The following ACYP2 variants were observed in gnomAD, a reference collection of about 807,000 sequenced individuals.
The protein encoded by ACYP2 is acylphosphatase-2.
Under a neutral mutation model 11.2 loss-of-function variants are expected in ACYP2, and 12 were observed. The ratio of observed to expected loss-of-function variants is 1.08; its 90% confidence interval spans 0.69 to 1.74. The LOEUF is 1.74. ACYP2 is among the 40% of genes most tolerant of loss of function. The pLI, the probability that ACYP2 is intolerant of heterozygous loss-of-function variation, is 0.00. For synonymous variants in ACYP2, 43 were observed against 32.2 expected, an observed-to-expected ratio of 1.33 and a Z score of -1.13; for missense variants, 134 against 101.9, an observed-to-expected ratio of 1.31 and a Z score of -1.35.
intron 4 of ACYP2, among the ~76,000 whole-genome samples, chr2:54,121,565 A>G (rs1248317519): frequency 1.3e-5 from 2 of 152,244 alleles, no homozygotes; most frequent in Non-Finnish European, 2.9e-5. Flanking sequence ...TTTGTCAGAT[A>G]ATGCATGATT....
At chr2:54,255,102 G>A in intron 6 of ACYP2, 1 of 1,614,168 alleles carries the variant, frequency 6.2e-7, no homozygotes, top group Non-Finnish European at 8.5e-7. Context: ...ACCAGGTGAA[G>A]AAGCTGCAGA....
At chr2:54,181,245 A>C (rs1358263760) in intron 6 of ACYP2, among the ~76,000 whole-genome samples, 1 of 152,198 alleles carries the variant, frequency 6.6e-6, no homozygotes, top group Non-Finnish European at 1.5e-5. Context: ...AAGTCCTAGA[A>C]GGAAATAAAC....
chr2:54,065,049 A>C (rs1371682910), intron 4 of ACYP2, among the ~76,000 whole-genome samples: 1 of 138,928 alleles, frequency 7.2e-6, no homozygotes, highest in African/African-American at 3.4e-5. Flanking sequence ...ATGCCACTGC[A>C]CTCCAGCCTG....
intron 6 of ACYP2, among the ~76,000 whole-genome samples, chr2:54,281,405 A>G (rs2104116763): frequency 6.6e-6 from 1 of 152,342 alleles, no homozygotes; most frequent in African/African-American, 2.4e-5. Flanking sequence ...TAGGAGATAC[A>G]GATGTCTCTG....
chr2:54,096,285 C>A (rs867883201), intron 4 of ACYP2, among the ~76,000 whole-genome samples: 26 of 84,348 alleles, frequency 3.1e-4, no homozygotes, highest in African/African-American at 8.0e-4. Flanking sequence ...GGTGGCCGGG[C>A]AGAGACGCTC....
intron 4 of ACYP2, among the ~76,000 whole-genome samples, chr2:54,134,177 C>G (rs1321384164): frequency 6.6e-6 from 1 of 152,114 alleles, no homozygotes; most frequent in Non-Finnish European, 1.5e-5. Flanking sequence ...GCCTGGAGTC[C>G]TAGCTACTCA....
At chr2:54,155,541 A>G (rs1038118049) in intron 6 of ACYP2, among the ~76,000 whole-genome samples, 2 of 152,106 alleles carry the variant, frequency 1.3e-5, no homozygotes, top group African/African-American at 4.8e-5. Context: ...AGCAGAGCGA[A>G]CCCTATTGTG....
At chr2:54,209,138 T>TG (rs899107257) in intron 6 of ACYP2, among the ~76,000 whole-genome samples, 9 of 152,044 alleles carry the variant, frequency 5.9e-5, no homozygotes, top group African/African-American at 2.2e-4. Flanking sequence ...AATATGACAT[T>TG]GGGGGGAAGT....
rs200260278 is a variant in ACYP2, at chr2:54,140,528, T to TCACA, written c.404+1798_404+1801dup. Among the ~76,000 whole-genome samples the TCACA allele has an allele frequency of 3.5e-3, 532 of 150,724 alleles. 2 individuals are homozygous for TCACA. The highest frequency in any genetic ancestry group is 0.016 in the South Asian group (78 of 4,754). ...TGTCTCCATGTTCACATTCTCTCTC[T>TCACA]CACACACACACACACACACACTTGC... On this transcript the variant is annotated intron_variant, in intron 6 of 6. Transcript: ENST00000607452.
At chr2:54,091,362 C>T (rs1455533786) in intron 4 of ACYP2, among the ~76,000 whole-genome samples, 1 of 152,050 alleles carries the variant, frequency 6.6e-6, no homozygotes, top group Non-Finnish European at 1.5e-5. Context: ...AAAAATGTTG[C>T]AGCATAAGCA....
intron 4 of ACYP2, among the ~76,000 whole-genome samples, chr2:54,096,197 G>C (rs1475512583): frequency 1.4e-5 from 2 of 145,904 alleles, no homozygotes; most frequent in East Asian, 2.0e-4. Context: ...CTTCTCAGAC[G>C]GGGCGGCCGG....
At chr2:54,098,462 C>T (rs1017265424) in intron 4 of ACYP2, among the ~76,000 whole-genome samples, 7 of 152,036 alleles carry the variant, frequency 4.6e-5, no homozygotes, top group African/African-American at 1.7e-4. Context: ...GGCAGTTGTC[C>T]CATGGAATGT....
chr2:54,016,171 T>C (rs976873974), intron 2 of ACYP2, among the ~76,000 whole-genome samples: 2 of 152,012 alleles, frequency 1.3e-5, no homozygotes, highest in African/African-American at 4.8e-5. Flanking sequence ...GCTTTGTCTG[T>C]CTGCTCAGTT....
At chr2:54,241,464 G>A (rs1686726826) in intron 6 of ACYP2, among the ~76,000 whole-genome samples, 1 of 152,114 alleles carries the variant, frequency 6.6e-6, no homozygotes, top group Admixed American at 6.5e-5. Context: ...TGATACCCTG[G>A]GCTTTCCCTC....
chr2:54,068,068 T>C (rs1676832985), intron 4 of ACYP2, among the ~76,000 whole-genome samples: 1 of 152,228 alleles, frequency 6.6e-6, no homozygotes, highest in Non-Finnish European at 1.5e-5. Context: ...GGGTCACTGA[T>C]AAGCCAGCTT....
chr2:54,198,245 C>A (rs1418704841), intron 6 of ACYP2, among the ~76,000 whole-genome samples: 1 of 152,090 alleles, frequency 6.6e-6, no homozygotes, highest in African/African-American at 2.4e-5. Flanking sequence ...AAACTCCTGA[C>A]CTCAGGTGAT....
chr2:54,170,213 C>A (rs550786387), intron 6 of ACYP2, among the ~76,000 whole-genome samples: 2 of 152,128 alleles, frequency 1.3e-5, no homozygotes, highest in Admixed American at 1.3e-4. Flanking sequence ...TGTGCAGTGG[C>A]GCGATCTTGG....
At chr2:54,189,827 A>G (rs913473955) in intron 6 of ACYP2, among the ~76,000 whole-genome samples, 1 of 152,132 alleles carries the variant, frequency 6.6e-6, no homozygotes, top group African/African-American at 2.4e-5. Context: ...CCCCACCAAC[A>G]GTGTACAAGG....
chr2:54,158,894 T>G (rs1026562735), intron 6 of ACYP2, among the ~76,000 whole-genome samples: 3 of 152,098 alleles, frequency 2.0e-5, no homozygotes, highest in Admixed American at 1.3e-4. Context: ...TGAAAACAAA[T>G]TTGGACAATA....
Sources: gnomAD v4.1 joint callset for allele counts (sites outside exome capture counted in the v4.1 genomes callset) on GRCh38, gnomAD v4.1.1 for gene constraint, MANE v1.5 for transcripts, NCBI Gene and HGNC (gene_info 2026-07-23, HGNC 2026-07-21) for gene names.